The following UBE2G1 variants were observed in gnomAD, a reference collection of about 807,000 sequenced individuals.
UBE2G1 encodes ubiquitin-conjugating enzyme E2 G1.
A neutral mutation model predicts 22.7 loss-of-function variants in UBE2G1; 5 were observed. The ratio of observed to expected loss-of-function variants is 0.22; its 90% confidence interval spans 0.12 to 0.46. UBE2G1 has a LOEUF of 0.46. Among genes scored for constraint, UBE2G1 ranks in the 20% least tolerant of loss-of-function variants. The probability of loss-of-function intolerance (pLI) is 0.99; values close to 1 mark genes in which losing one functional copy is unlikely to be tolerated. For synonymous variants in UBE2G1, 74 were observed against 67.5 expected (o/e 1.10, Z -0.47); for missense variants, 88 against 203.9 (o/e 0.43, Z 3.46).
chr17:4,328,813 G>A (rs183261585), intron 1 of UBE2G1, among the ~76,000 whole-genome samples: 6 of 152,342 alleles, frequency 3.9e-5, no homozygotes, highest in Admixed American at 6.5e-5. Flanking sequence ...TGGGCGGGGC[G>A]CGGTGGCTCA....
At chr17:4,308,201 A>G (rs1969269054) in intron 1 of UBE2G1, among the ~76,000 whole-genome samples, 1 of 152,154 alleles carries the variant, frequency 6.6e-6, no homozygotes, top group Non-Finnish European at 1.5e-5. Flanking sequence ...TAAAAATACA[A>G]AATTAGCTGG....
chr17:4,272,776 T>C (rs1968776102), intron 5 of UBE2G1, among the ~76,000 whole-genome samples: 1 of 152,230 alleles, frequency 6.6e-6, no homozygotes. Flanking sequence ...AGTAGTCACA[T>C]GTGGCTAGTG....
chr17:4,324,360 T>C (rs1969477415), intron 1 of UBE2G1, among the ~76,000 whole-genome samples: 1 of 152,188 alleles, frequency 6.6e-6, no homozygotes, highest in Non-Finnish European at 1.5e-5. Flanking sequence ...TTTGAAGACT[T>C]TGTGAGAAAA....
intron 1 of UBE2G1, among the ~76,000 whole-genome samples, chr17:4,353,939 TC>T (rs1303148342): frequency 2.0e-5 from 3 of 150,054 alleles, no homozygotes; most frequent in Non-Finnish European, 4.4e-5. Flanking sequence ...TGCCTTGGCC[TC>T]CCAAAGTGCT....
chr17:4,328,104 T>C (rs1012152081), intron 1 of UBE2G1, among the ~76,000 whole-genome samples: 2 of 152,136 alleles, frequency 1.3e-5, no homozygotes, highest in South Asian at 4.1e-4. Context: ...ATCACCAAAA[T>C]TTCTTAGTTT....
chr17:4,286,533 G>A (rs759312549), intron 4 of UBE2G1, among the ~76,000 whole-genome samples: 2 of 152,074 alleles, frequency 1.3e-5, no homozygotes, highest in Non-Finnish European at 2.9e-5. Flanking sequence ...AATAGATTTT[G>A]CACAATTTGT....
At chr17:4,299,546 A>C (rs1400150386) in intron 2 of UBE2G1, among the ~76,000 whole-genome samples, 1 of 152,244 alleles carries the variant, frequency 6.6e-6, no homozygotes, top group African/African-American at 2.4e-5. Flanking sequence ...TTGATTGGTT[A>C]CATTCACTAA....
chr17:4,302,343 C>G (rs1969193339), intron 2 of UBE2G1: 1 of 485,980 alleles, frequency 2.1e-6, no homozygotes, highest in Non-Finnish European at 4.2e-6. Context: ...CCACATGATG[C>G]TGGCCTTTAT....
intron 3 of UBE2G1, among the ~76,000 whole-genome samples, chr17:4,293,026 G>A (rs568774986): frequency 6.6e-6 from 1 of 152,162 alleles, no homozygotes; most frequent in East Asian, 1.9e-4. Context: ...ACGATTTAAT[G>A]GTTTCTGTCT....
intron 5 of UBE2G1, among the ~76,000 whole-genome samples, chr17:4,274,409 G>A (rs1240560491): frequency 6.6e-6 from 1 of 152,100 alleles, no homozygotes; most frequent in Admixed American, 6.6e-5. Context: ...GTGTTAGCCA[G>A]GATGGTCTCG....
chr17:4,350,906 G>A (rs967860307), intron 1 of UBE2G1, among the ~76,000 whole-genome samples: 17 of 151,804 alleles, frequency 1.1e-4, no homozygotes, highest in Admixed American at 7.2e-4. Flanking sequence ...GGTGGCAGGC[G>A]CCTGTAGTCC....
chr17:4,312,144 G>A (rs1969317255), intron 1 of UBE2G1, among the ~76,000 whole-genome samples: 1 of 151,760 alleles, frequency 6.6e-6, no homozygotes, highest in Non-Finnish European at 1.5e-5. Context: ...TACTTGGGAG[G>A]CAGGAGAATC....
intron 1 of UBE2G1, among the ~76,000 whole-genome samples, chr17:4,313,094 G>C (rs1360751882): frequency 6.6e-6 from 1 of 152,194 alleles, no homozygotes; most frequent in Non-Finnish European, 1.5e-5. Context: ...TGTTGATACG[G>C]ATACCTCACA....
At chr17:4,349,540 T>C (rs1969819077) in intron 1 of UBE2G1, among the ~76,000 whole-genome samples, 1 of 151,870 alleles carries the variant, frequency 6.6e-6, no homozygotes, top group Non-Finnish European at 1.5e-5. Flanking sequence ...CATAGTTGTC[T>C]AAAAATAAAA....
chr17:4,284,328 G>A (rs1419052710), intron 4 of UBE2G1, among the ~76,000 whole-genome samples: 1 of 151,852 alleles, frequency 6.6e-6, no homozygotes, highest in Non-Finnish European at 1.5e-5. Context: ...GCTGGGTGTG[G>A]TGGCTCACAT....
chr17:4,333,402 G>A (rs1357999614), intron 1 of UBE2G1, among the ~76,000 whole-genome samples: 1 of 152,166 alleles, frequency 6.6e-6, no homozygotes, highest in Non-Finnish European at 1.5e-5. Context: ...GACGGGCCGG[G>A]CACGGTGGCT....
chr17:4,322,612 G>A (rs995080900), intron 1 of UBE2G1, among the ~76,000 whole-genome samples: 2 of 152,108 alleles, frequency 1.3e-5, no homozygotes, highest in African/African-American at 4.8e-5. Context: ...TAAGAAAATG[G>A]GGTGTCCTGG....
intron 2 of UBE2G1, chr17:4,302,129 T>C (rs1969189141): frequency 7.6e-6 from 4 of 525,850 alleles, no homozygotes; most frequent in Non-Finnish European, 1.5e-5. Context: ...GTGTCTGCTA[T>C]TGTGTTGCCA....
chr17:4,289,848 T>C (rs985722882), intron 3 of UBE2G1, among the ~76,000 whole-genome samples: 1 of 152,176 alleles, frequency 6.6e-6, no homozygotes, highest in Non-Finnish European at 1.5e-5. Context: ...TTGGTAATAG[T>C]CAAAGGCCCA....
Sources: gnomAD v4.1 joint callset for allele counts (sites outside exome capture counted in the v4.1 genomes callset) on GRCh38, gnomAD v4.1.1 for gene constraint, MANE v1.5 for transcripts, NCBI Gene and HGNC (gene_info 2026-07-23, HGNC 2026-07-21) for gene names.